Variants in ZMYND8 observed in about 807,000 individuals in gnomAD.
ZMYND8 encodes MYND-type zinc finger-containing chromatin reader ZMYND8.
ZMYND8 carries 37 observed loss-of-function variants against 140.8 expected under a neutral mutation model. The ratio of observed to expected loss-of-function variants is 0.26; its 90% CI spans 0.20 to 0.35. The LOEUF is 0.35. ZMYND8 is among the 10% of genes least tolerant of loss of function. The pLI is 1.00. For synonymous variants in ZMYND8, 592 were observed against 597.1 expected, an observed-to-expected ratio of 0.99 and a Z score of 0.12; for missense variants, 1,068 against 1,570.0, an observed-to-expected ratio of 0.68 and a Z score of 5.40.
chr20:47,341,644 G>A (rs1236591116), intron 2 of ZMYND8, among the ~76,000 whole-genome samples: 1 of 152,056 alleles, frequency 6.6e-6, no homozygotes, highest in African/African-American at 2.4e-5. Flanking sequence ...GCCGAGGTGG[G>A]AGGATCACAA....
intron 14 of ZMYND8, among the ~76,000 whole-genome samples, chr20:47,243,687 T>A (rs575163417): frequency 9.8e-5 from 15 of 152,342 alleles, no homozygotes; most frequent in African/African-American, 3.6e-4. Context: ...TCTTGTTTCA[T>A]ATGGTTATGT....
At chr20:47,344,645 T>C (rs2082187073) in intron 2 of ZMYND8, among the ~76,000 whole-genome samples, 1 of 152,210 alleles carries the variant, frequency 6.6e-6, no homozygotes, top group Non-Finnish European at 1.5e-5. Context: ...GGTAATAACA[T>C]ATCAAAATTG....
chr20:47,244,713 A>G (rs1049879002), intron 14 of ZMYND8, among the ~76,000 whole-genome samples: 20 of 152,236 alleles, frequency 1.3e-4, no homozygotes, highest in African/African-American at 4.3e-4. Flanking sequence ...GCAAACTGTC[A>G]GAAGTGCAAG....
chr20:47,320,322 G>A (rs2079827074), intron 2 of ZMYND8: 1 of 152,318 alleles, frequency 6.6e-6, no homozygotes, highest in Admixed American at 6.5e-5. Flanking sequence ...GAAACGCCAG[G>A]TACGAAGGGA....
At chr20:47,263,167 C>T (rs939913335) in intron 11 of ZMYND8, among the ~76,000 whole-genome samples, 1 of 152,212 alleles carries the variant, frequency 6.6e-6, no homozygotes, top group African/African-American at 2.4e-5. Context: ...GGCCAACAAG[C>T]GTCCTAAAGA....
intron 1 of ZMYND8, chr20:47,351,730 G>A (rs1602194565): frequency 2.0e-6 from 2 of 985,404 alleles, no homozygotes; most frequent in Non-Finnish European, 2.4e-6. Flanking sequence ...CAGAGTCATC[G>A]GTAGCTAAGC....
chr20:47,231,428 C>T (rs1430985410), intron 16 of ZMYND8, among the ~76,000 whole-genome samples: 1 of 152,196 alleles, frequency 6.6e-6, no homozygotes, highest in African/African-American at 2.4e-5. Context: ...CTGCATGCCG[C>T]CCCGGTAGGG....
At chr20:47,226,752 C>CAG (rs2037766727) in intron 18 of ZMYND8, among the ~76,000 whole-genome samples, 1 of 152,204 alleles carries the variant, frequency 6.6e-6, no homozygotes, top group African/African-American at 2.4e-5. Context: ...CTTAACTTCT[C>CAG]AGGCTCAAGT....
rs111541617 is a variant in ZMYND8 at position 47,249,396 on chromosome 20, C to T, written c.1665G>A (p.Ser555=). 1.1e-4 allele frequency: 182 copies of T among 1,614,116 alleles called. No homozygotes were observed. Among genetic ancestry groups the T allele is most frequent in the African/African-American group, 1.0e-3 (77 of 75,030 alleles). ...GAACAGGGGTGGACTGTTGCTGGAC[C>T]GACTCGCTCAGCTCCTTCAAATCCA... is the stretch of plus-strand genomic sequence containing the variant. ...AEMDLKELSE[S]VQQQSTPVPL... Residue 555 remains serine, a synonymous_variant, in exon 13 of 23, where the codon TCG becomes TCA. Transcript: ENST00000471951.
intron 3 of ZMYND8, 54 bp from the exon 4 acceptor site, chr20:47,299,001 A>G: frequency 1.9e-6 from 3 of 1,558,536 alleles, no homozygotes; most frequent in Non-Finnish European, 2.7e-6. Context: ...TGCATTCTCA[A>G]AAGGAATTTG....
At chr20:47,255,779 ATT>A (rs2074645847) in intron 12 of ZMYND8, among the ~76,000 whole-genome samples, 2 of 126,244 alleles carry the variant, frequency 1.6e-5, no homozygotes, top group Non-Finnish European at 3.2e-5. Flanking sequence ...ATATATATAT[ATT>A]TGTATGTGTA....
At position 47,340,971 on chromosome 20, in the gene ZMYND8, G is replaced by A. The variant is rs191169662; in HGVS notation, c.85+6885C>T. Among the ~76,000 whole-genome samples the A allele has an allele frequency of 3.9e-5, 6 of 152,256 alleles. No homozygotes were observed. The East Asian group carries it at 7.7e-4, about 20-fold the overall frequency. ...GGGTCAGGGCCCCATGAGTGCGAAC[G>A]TGTGTTAAAGTTCATCAGACTGAAC... On this transcript the variant is annotated intron_variant, in intron 2 of 22. Coordinates refer to ENST00000471951, the MANE Select transcript of ZMYND8 (RefSeq NM_001281775.3).
At position 47,291,782 on chromosome 20, in the gene ZMYND8, T is replaced by A; in HGVS notation, c.660+14A>T. ...TGTGGGCTAGAATGGTGAGGTTCTT[T>A]GACGGAGGCCAACCTTTTCCAATGT... On this transcript the variant is annotated intron_variant, in intron 6 of 22. Transcript: ENST00000471951. The A allele has an allele frequency of 1.2e-6, 2 of 1,606,948 alleles. No individual in the cohort carries two copies. Among genetic ancestry groups the A allele is most frequent in the Non-Finnish European group, 1.7e-6 (2 of 1,176,204 alleles).
At chr20:47,303,009 A>G (rs1004171345) in intron 3 of ZMYND8, among the ~76,000 whole-genome samples, 3 of 152,136 alleles carry the variant, frequency 2.0e-5, no homozygotes, top group African/African-American at 7.2e-5. Flanking sequence ...TAATACTCTA[A>G]CACCCTCACA....
chr20:47,318,533 G>C (rs759397409), intron 2 of ZMYND8: 65 of 360,060 alleles, frequency 1.8e-4, no homozygotes, highest in Non-Finnish European at 2.9e-4. Flanking sequence ...AGCAAAGGTT[G>C]GGGGTGGGGA....
chr20:47,217,323 CAT>C (rs2036273739), intron 21 of ZMYND8, among the ~76,000 whole-genome samples: 1 of 152,126 alleles, frequency 6.6e-6, no homozygotes, highest in Non-Finnish European at 1.5e-5. Context: ...GTATACCTGA[CAT>C]ATGGTTGCAA....
Position 47,249,374 on chromosome 20 carries a change from CAG to C in ZMYND8, c.1685_1686del (p.Pro562ArgfsTer12). ...TGGCGCTTGGGAGAGATGAGAGGAA[CAG>C]GGGTGGACTGTTGCTGGACCGACTC... ...LSESVQQQST[P>X]VPLISPKRQI... is the part of the protein sequence containing the mutation. On this transcript the variant is annotated frameshift_variant, in exon 13 of 23. Coordinates refer to ENST00000471951, the MANE Select transcript of ZMYND8 (RefSeq NM_001281775.3). LOFTEE classifies it high-confidence loss of function. 6.2e-7 allele frequency: 1 copy of C among 1,614,144 alleles called. No individual in the cohort carries two copies. The highest frequency in any genetic ancestry group is 8.5e-7 in the Non-Finnish European group (1 of 1,180,014).
At position 47,221,299 on chromosome 20, in the gene ZMYND8, T is replaced by TG. The variant is rs1378694382; in HGVS notation, c.3417+14dup. On this transcript the variant is annotated intron_variant, in intron 20 of 22. Transcript: ENST00000471951. ...GGGTAGATGTCACTAGCCAAAGGCATGGGGGGATCCTCACCGAGCCACTCT... is the reference window on the plus strand; with the variant it reads ...GGGTAGATGTCACTAGCCAAAGGCATGGGGGGGATCCTCACCGAGCCACTCT... 29 of 1,613,084 alleles carry TG rather than the reference T, an allele frequency of 1.8e-5. No homozygotes were observed. Among genetic ancestry groups the TG allele is most frequent in the Non-Finnish European group, 2.5e-5 (29 of 1,179,942 alleles).
intron 11 of ZMYND8, among the ~76,000 whole-genome samples, chr20:47,269,184 G>A (rs568993725): frequency 1.3e-5 from 2 of 152,294 alleles, no homozygotes; most frequent in Non-Finnish European, 2.9e-5. Flanking sequence ...GGGCAACAGA[G>A]TGGGACTCCA....
Sources: gnomAD v4.1 joint callset for allele counts (sites outside exome capture counted in the v4.1 genomes callset) on GRCh38, gnomAD v4.1.1 for gene constraint, MANE v1.5 for transcripts, NCBI Gene and HGNC (gene_info 2026-07-23, HGNC 2026-07-21) for gene names.